Variants in RIMBP2 observed in about 807,000 individuals in gnomAD.
RIMBP2 encodes the protein RIMS binding protein 2.
RIMBP2 carries 48 observed loss-of-function variants against 118.6 expected under a neutral mutation model. The ratio of observed to expected loss-of-function variants is 0.40; its 90% CI spans 0.32 to 0.51. RIMBP2 has a LOEUF of 0.51. Ranked by LOEUF, RIMBP2 falls within the 20% of genes least tolerant of loss-of-function variation. The probability of loss-of-function intolerance (pLI) is 0.41; values close to 1 mark genes in which losing one functional copy is unlikely to be tolerated. For missense variants in RIMBP2, 1,551 were observed against 1,768.3 expected (o/e 0.88, Z 2.20); for synonymous variants, 762 against 742.9 (o/e 1.03, Z -0.42).
At chr12:130,565,393 C>T (rs114496622) in intron 2 of RIMBP2, among the ~76,000 whole-genome samples, 389 of 152,282 alleles carry the variant, frequency 2.6e-3, no homozygotes, top group African/African-American at 8.8e-3. Flanking sequence ...AACTAGGTAT[C>T]ATATCATTGT....
chr12:130,467,752 C>T (rs1197220915), intron 6 of RIMBP2, among the ~76,000 whole-genome samples: 3 of 152,164 alleles, frequency 2.0e-5, no homozygotes, highest in African/African-American at 4.8e-5. Flanking sequence ...AACCAATGTA[C>T]ATCTTATACT....
rs2081380493 is a variant in RIMBP2 at position 130,475,839 on chromosome 12, A to C, written c.102+3073T>G. Among the ~76,000 whole-genome samples, 1 of 152,066 alleles carries C rather than the reference A, an allele frequency of 6.6e-6. No homozygotes were observed. Among genetic ancestry groups the C allele is most frequent in the African/African-American group, 2.4e-5 (1 of 41,398 alleles). On this transcript the variant is annotated intron_variant, in intron 5 of 22. Coordinates refer to ENST00000690449, the MANE Select transcript of RIMBP2 (RefSeq NM_001393629.1). This position sits in a 1 kb window ranked among gnomAD's most constrained non-coding sequence, Gnocchi z 4.1. ...TACGGAGCTCAAGGAGTTCAGCAGA[A>C]GTGCAGGTGTTGGTGAGGACAGAGG...
chr12:130,507,734 G>A (rs1340454229), intron 3 of RIMBP2, among the ~76,000 whole-genome samples: 4 of 152,196 alleles, frequency 2.6e-5, no homozygotes, highest in Non-Finnish European at 5.9e-5. Context: ...TTTCATTGTG[G>A]AGGCAACATG....
chr12:130,451,241 G>A lies in RIMBP2; in HGVS notation c.458C>T (p.Thr153Ile). ...TGCGCTACCGGATCTCGACAGGAAG[G>A]TGGGCTTGGCGGACAGAGGCTCCGG... is the stretch of plus-strand genomic sequence containing the variant. ...DRPEPLSAKPTFLSRSGSARC... is the reference protein window; with the variant it reads ...DRPEPLSAKPIFLSRSGSARC... Residue 153 changes from threonine (T) to isoleucine (I), a missense_variant, in exon 8 of 23, where the codon ACC becomes ATC. By Grantham distance (89) the Thr-to-Ile change is moderately conservative. Around this residue, in one of 5 missense-constraint regions of RIMBP2, gnomAD observed 239 missense variants for 256.8 expected, o/e 0.93. Coordinates refer to ENST00000690449, the MANE Select transcript of RIMBP2 (RefSeq NM_001393629.1). 4 of 1,614,206 alleles carry A rather than the reference G, an allele frequency of 2.5e-6. No individual in the cohort carries two copies. The highest frequency in any genetic ancestry group is 2.5e-6 in the Non-Finnish European group (3 of 1,180,028).
chr12:130,435,571 C>T (rs541442293), intron 13 of RIMBP2, among the ~76,000 whole-genome samples: 1 of 152,170 alleles, frequency 6.6e-6, no homozygotes, highest in African/African-American at 2.4e-5. Flanking sequence ...GCTGCTACCC[C>T]GTCCTGCCCA....
At chr12:130,633,515 G>A (rs185042230) in intron 1 of RIMBP2, among the ~76,000 whole-genome samples, 1 of 151,978 alleles carries the variant, frequency 6.6e-6, no homozygotes, top group Non-Finnish European at 1.5e-5. Context: ...ACTGATCCTC[G>A]AGACCAAGGG....
intron 17 of RIMBP2, among the ~76,000 whole-genome samples, chr12:130,418,383 TC>T (rs1235385498): frequency 6.6e-6 from 1 of 152,146 alleles, no homozygotes; most frequent in African/African-American, 2.4e-5. Context: ...TGTGAAGCGC[TC>T]CATGGCCTCT....
intron 2 of RIMBP2, among the ~76,000 whole-genome samples, chr12:130,587,837 A>G (rs868431797): frequency 2.0e-5 from 3 of 150,634 alleles, no homozygotes; most frequent in Admixed American, 6.6e-5. Context: ...AATAAAAAAA[A>G]AAAAAGAAAA....
intron 2 of RIMBP2, among the ~76,000 whole-genome samples, chr12:130,534,466 A>T (rs1416713206): frequency 6.6e-6 from 1 of 152,212 alleles, no homozygotes; most frequent in Non-Finnish European, 1.5e-5. Context: ...AGAAAAAAAA[A>T]AATTCTGGTT....
intron 7 of RIMBP2, among the ~76,000 whole-genome samples, chr12:130,455,110 C>T (rs763445592): frequency 2.1e-4 from 32 of 152,192 alleles, no homozygotes; most frequent in African/African-American, 3.6e-4. Flanking sequence ...GAGCAGAAGC[C>T]GTGCGTTTCT....
intron 1 of RIMBP2, among the ~76,000 whole-genome samples, chr12:130,639,072 T>G (rs1040624389): frequency 2.6e-5 from 4 of 152,200 alleles, no homozygotes; most frequent in Admixed American, 6.5e-5. Context: ...TCAGTTTTTC[T>G]GTAAACCTAA....
At chr12:130,628,131 A>T (rs138367950) in intron 2 of RIMBP2, among the ~76,000 whole-genome samples, 191 bp downstream of exon 2, 2,206 of 152,258 alleles carry the variant, frequency 0.014, 24 homozygotes, top group South Asian at 0.071. Flanking sequence ...GCTGTTCCCC[A>T]TGATGTTCCT....
intron 1 of RIMBP2, among the ~76,000 whole-genome samples, chr12:130,676,363 G>T (rs897617559): frequency 6.7e-6 from 1 of 148,604 alleles, no homozygotes; most frequent in South Asian, 2.1e-4. Context: ...GGTTGCTCAC[G>T]CCTGTAACAC....
intron 2 of RIMBP2, among the ~76,000 whole-genome samples, chr12:130,570,841 T>C (rs1352695210): frequency 6.6e-6 from 1 of 152,148 alleles, no homozygotes; most frequent in Non-Finnish European, 1.5e-5. Context: ...AGAATAAAAA[T>C]AACTGCAGCA....
chr12:130,577,630 T>G (rs1446460535), intron 2 of RIMBP2, among the ~76,000 whole-genome samples: 4 of 152,206 alleles, frequency 2.6e-5, no homozygotes, highest in African/African-American at 9.7e-5. Flanking sequence ...CTCCCTTGAC[T>G]CGTGGGGATT....
At chr12:130,625,625 C>T (rs1399344042) in intron 2 of RIMBP2, among the ~76,000 whole-genome samples, 2 of 152,124 alleles carry the variant, frequency 1.3e-5, no homozygotes, top group African/African-American at 2.4e-5. Flanking sequence ...AGAGTGAGAA[C>T]AAGAGCTAAA....
chr12:130,421,919 C>T (rs568164052), intron 17 of RIMBP2, among the ~76,000 whole-genome samples: 4 of 152,196 alleles, frequency 2.6e-5, no homozygotes, highest in African/African-American at 4.8e-5. Flanking sequence ...AGAATGGAAA[C>T]GGAATGCCAG....
intron 2 of RIMBP2, among the ~76,000 whole-genome samples, chr12:130,553,510 G>A (rs571235282): frequency 2.6e-4 from 40 of 152,204 alleles, no homozygotes; most frequent in South Asian, 1.7e-3. Flanking sequence ...TTAGGAGGCC[G>A]AGGCAGGTGG....
In RIMBP2 at chr12:130,428,346, C is replaced by G; in HGVS notation, c.2254-9G>C. 6.3e-7 allele frequency: 1 copy of G among 1,599,696 alleles called. No homozygotes were observed. Among genetic ancestry groups the G allele is most frequent in the Non-Finnish European group, 8.5e-7 (1 of 1,172,462 alleles). ...CCATGGCAACAGTGCGGCTGGGGGC[C>G]AAGAAAAGGGGCTACTGAGCGGGTG... On this transcript the variant is annotated splice_polypyrimidine_tract_variant and intron_variant, in intron 14 of 22. Transcript: ENST00000690449.
Sources: gnomAD v4.1 joint callset for allele counts (sites outside exome capture counted in the v4.1 genomes callset) on GRCh38, gnomAD v4.1.1 for gene constraint, gnomAD v4.1.1 regional missense constraint, Gnocchi (gnomAD v3.1) non-coding constraint, MANE v1.5 for transcripts, NCBI Gene and HGNC (gene_info 2026-07-23, HGNC 2026-07-21) for gene names.